The following PTPMT1 variants were observed in gnomAD, a reference collection of about 807,000 sequenced individuals.
The protein encoded by PTPMT1 is phosphatidylglycerophosphatase and protein-tyrosine phosphatase 1.
Under a neutral mutation model 17.8 loss-of-function variants are expected in PTPMT1, and 12 were observed. That is an observed-to-expected ratio of 0.67 (90% CI 0.43 to 1.09). PTPMT1 has a LOEUF of 1.09. Among genes scored for constraint, PTPMT1 ranks in the 50% least tolerant of loss-of-function variants. The pLI is 0.00. For missense variants in PTPMT1, 262 were observed against 266.0 expected (o/e 0.99, Z 0.10); for synonymous variants, 132 against 116.8 (o/e 1.13, Z -0.84).
At position 47,565,898 on chromosome 11, in the gene PTPMT1, C is replaced by T; in HGVS notation, c.175-8C>T. 1 of 1,612,650 alleles carries T rather than the reference C, an allele frequency of 6.2e-7. No individual in the cohort carries two copies. Among genetic ancestry groups the T allele is most frequent in the South Asian group, 1.1e-5 (1 of 90,998 alleles). On this transcript the variant is annotated splice_polypyrimidine_tract_variant and splice_region_variant and intron_variant, in intron 1 of 3. Transcript: ENST00000326674. ...CGTCTTTGCTGAGCCACCTCTTTGC[C>T]TCGGCAGCTGGTACAGGACGAGAAC...
In PTPMT1 at chr11:47,572,845, A is replaced by G. The variant is rs2097251668; in HGVS notation, c.*1216A>G. On this transcript the variant is annotated 3_prime_UTR_variant, in exon 4 of 4. Transcript: ENST00000326674. The stretch of plus-strand genomic sequence containing the variant: ...CTTTCTAGTATGTGCCAAAAAAAAC[A>G]TAACTCTGAATTGGGGCCCAGGGGA... 7.6e-6 allele frequency: 11 copies of G among 1,443,498 alleles called. No homozygotes were observed. Among genetic ancestry groups the G allele is most frequent in the Non-Finnish European group, 1.0e-5 (11 of 1,066,152 alleles). The allele number at this position is 1,443,498 out of a possible 1,614,324, so 89.4% of individuals were successfully genotyped here.
Position 47,565,951 on chromosome 11 carries a change from G to A in PTPMT1, c.220G>A (p.Glu74Lys). The change falls in exon 2 of 4, where the codon GAG becomes AAG. Residue 74 changes from glutamate (E) to lysine (K), a missense_variant. Coordinates refer to ENST00000326674, the MANE Select transcript of PTPMT1 (RefSeq NM_175732.3). ...GCGCGGGGTGATCACCATGAACGAGGAGTACGAGACGAGGTTCCTGTGCAA... is the reference window on the plus strand; with the variant it reads ...GCGCGGGGTGATCACCATGAACGAGAAGTACGAGACGAGGTTCCTGTGCAA... Reference protein sequence around the residue: ...NVRGVITMNEEYETRFLCNSS... With the variant: ...NVRGVITMNEKYETRFLCNSS... 1 of 1,607,250 alleles carries A rather than the reference G, an allele frequency of 6.2e-7. No individual in the cohort carries two copies. Among genetic ancestry groups the A allele is most frequent in the East Asian group, 2.2e-5 (1 of 44,556 alleles).
chr11:47,568,437 A>T (rs1598779595), intron 2 of PTPMT1, among the ~76,000 whole-genome samples: 1 of 151,956 alleles, frequency 6.6e-6, no homozygotes, highest in African/African-American at 2.4e-5. Flanking sequence ...GCATTTTGGG[A>T]GGCTGAGACA....
Position 47,565,785 on chromosome 11 carries a change from T to C in PTPMT1, c.163T>C (p.Leu55=). 1 of 1,592,466 alleles carries C rather than the reference T, an allele frequency of 6.3e-7. No individual in the cohort carries two copies. Among genetic ancestry groups the C allele is most frequent in the Non-Finnish European group, 8.5e-7 (1 of 1,170,680 alleles). Residue 55 remains leucine, a synonymous_variant, in exon 1 of 4, where the codon TTG becomes CTG. Coordinates refer to ENST00000326674, the MANE Select transcript of PTPMT1 (RefSeq NM_175732.3). ...VLLGALPLRS[L]TRQLVQDENV... The stretch of plus-strand genomic sequence containing the variant: ...GCTGGGCGCGCTGCCGTTGCGGAGC[T>C]TGACGCGCCAGGTGAGCCGGGCCGG...
intron 2 of PTPMT1, among the ~76,000 whole-genome samples, chr11:47,569,030 A>G (rs888060542): frequency 6.6e-6 from 1 of 152,100 alleles, no homozygotes; most frequent in Non-Finnish European, 1.5e-5. Context: ...AATTTTTTGC[A>G]GCTAAAATGT....
At position 47,572,921 on chromosome 11, in the gene PTPMT1, C is replaced by T. The variant is rs1480865386; in HGVS notation, c.*1292C>T. 6.2e-7 allele frequency: 1 copy of T among 1,605,552 alleles called. No individual in the cohort carries two copies. Among genetic ancestry groups the T allele is most frequent in the Non-Finnish European group, 8.5e-7 (1 of 1,174,142 alleles). The stretch of plus-strand genomic sequence containing the variant: ...AGGAGTGAGCAGTTCTCCTCCCCTC[C>T]CCACAGCCTTAGGCCAACACAAACT... On this transcript the variant is annotated 3_prime_UTR_variant, in exon 4 of 4. Transcript: ENST00000326674.
chr11:47,571,722 C>T lies in PTPMT1; in HGVS notation c.*93C>T, dbSNP rs1374297830. On this transcript the variant is annotated 3_prime_UTR_variant, in exon 4 of 4. Coordinates refer to ENST00000326674, the MANE Select transcript of PTPMT1 (RefSeq NM_175732.3). ...CAACAGGGCTTAAGCCCAGACTTGA[C>T]GTAACAGAAATGTGCCAATAGGTAA... 3.2e-6 allele frequency: 4 copies of T among 1,231,402 alleles called. No individual in the cohort carries two copies. The highest frequency in any genetic ancestry group is 1.5e-5 in the African/African-American group (1 of 65,800). 76.3% of individuals were successfully genotyped at this position (1,231,402 alleles called of 1,614,324 possible).
chr11:47,571,663 T>C lies in PTPMT1; in HGVS notation c.*34T>C, dbSNP rs372559287. The stretch of plus-strand genomic sequence containing the variant: ...GATTAGAAAGAACTCAAGACACTCC[T>C]GCTTGATACAGAACAAAAAGAGCTT... On this transcript the variant is annotated 3_prime_UTR_variant, in exon 4 of 4. Transcript: ENST00000326674. The C allele has an allele frequency of 2.5e-6, 4 of 1,604,508 alleles. No individual in the cohort carries two copies. The highest frequency in any genetic ancestry group is 3.4e-6 in the Non-Finnish European group (4 of 1,173,230).
chr11:47,566,590 A>C (rs1009238149), intron 2 of PTPMT1, among the ~76,000 whole-genome samples: 1 of 152,118 alleles, frequency 6.6e-6, no homozygotes, highest in African/African-American at 2.4e-5. Flanking sequence ...CAGAAACTAA[A>C]ATTGAAAGGC....
chr11:47,569,593 A>T (rs749838155), intron 2 of PTPMT1, 107 bp from the exon 3 acceptor site: 88 of 808,278 alleles, frequency 1.1e-4, no homozygotes, highest in Admixed American at 1.8e-4. Flanking sequence ...CATTGTAGTA[A>T]ACCCTGAAAC....
chr11:47,569,997 A>G (rs1011885244), intron 3 of PTPMT1, 106 bp downstream of exon 3: 2 of 878,660 alleles, frequency 2.3e-6, no homozygotes, highest in African/African-American at 3.4e-5. Context: ...GTTTGAGACC[A>G]GCCTGGGCAA....
At chr11:47,567,782 A>G (rs2097247057) in intron 2 of PTPMT1, among the ~76,000 whole-genome samples, 1 of 151,424 alleles carries the variant, frequency 6.6e-6, no homozygotes, top group Non-Finnish European at 1.5e-5. Flanking sequence ...GTCGTCTCGA[A>G]CTCCTGACCT....
rs2097251480 is a variant in PTPMT1 at position 47,572,779 on chromosome 11, C to G, written c.*1150C>G. ...CAGCAGCAGTCTAAAAAGCCCCAAA[C>G]AGAACACCTCCATGGATTCAGGGAA... On this transcript the variant is annotated 3_prime_UTR_variant, in exon 4 of 4. Transcript: ENST00000326674. The G allele has an allele frequency of 3.7e-6, 3 of 816,888 alleles. No homozygotes were observed. Among genetic ancestry groups the G allele is most frequent in the Middle Eastern group, 3.7e-4 (1 of 2,708 alleles). The allele number at this position is 816,888 out of a possible 1,614,324, so 50.6% of individuals were successfully genotyped here.
intron 2 of PTPMT1, among the ~76,000 whole-genome samples, chr11:47,567,559 C>CTTTTTTTTTTTTTTTTTTT (rs370022255): frequency 4.3e-5 from 5 of 116,138 alleles, no homozygotes; most frequent in African/African-American, 9.3e-5. Context: ...TATTTCTTTT[C>CTTTTTTTTTTTTTTTTTTT]TTTTTTTTTT....
Position 47,573,259 on chromosome 11 carries a change from A to C in PTPMT1, c.*1630A>C. 1 of 1,614,082 alleles carries C rather than the reference A, an allele frequency of 6.2e-7. No homozygotes were observed. The highest frequency in any genetic ancestry group is 8.5e-7 in the Non-Finnish European group (1 of 1,180,004). ...GGCAGCACATAGGGCTTCACATGGC[A>C]TTTGTCTGTCTCTGTGTCAAAGCAC... On this transcript the variant is annotated 3_prime_UTR_variant, in exon 4 of 4. Transcript: ENST00000326674. The surrounding 1 kb of genome is among the most constrained non-coding windows in gnomAD (Gnocchi z 4.1).
intron 2 of PTPMT1, among the ~76,000 whole-genome samples, chr11:47,566,464 G>C (rs1188254229): frequency 2.0e-5 from 3 of 148,514 alleles, no homozygotes; most frequent in Non-Finnish European, 4.4e-5. Flanking sequence ...GCCCAGCCTT[G>C]GGCGACAGGA....
At position 47,572,850 on chromosome 11, in the gene PTPMT1, T is replaced by G. The variant is rs2097251690; in HGVS notation, c.*1221T>G. ...TAGTATGTGCCAAAAAAAACATAAC[T>G]CTGAATTGGGGCCCAGGGGACTTTG... On this transcript the variant is annotated 3_prime_UTR_variant, in exon 4 of 4. Coordinates refer to ENST00000326674, the MANE Select transcript of PTPMT1 (RefSeq NM_175732.3). 6.8e-7 allele frequency: 1 copy of G among 1,471,346 alleles called. No individual in the cohort carries two copies. Among genetic ancestry groups the G allele is most frequent in the African/African-American group, 1.4e-5 (1 of 70,898 alleles). 91.1% of individuals were successfully genotyped at this position (1,471,346 alleles called of 1,614,324 possible). A position where few individuals can be genotyped will look rare whatever the true frequency, so the allele number is the denominator to read the frequency against.
At chr11:47,567,847 C>T (rs1265971526) in intron 2 of PTPMT1, among the ~76,000 whole-genome samples, 1 of 152,140 alleles carries the variant, frequency 6.6e-6, no homozygotes, top group Non-Finnish European at 1.5e-5. Context: ...GCGTGAGCCA[C>T]CACACCTGGC....
Position 47,569,730 on chromosome 11 carries a change from C to G in PTPMT1, c.286C>G (p.Arg96Gly). 6.2e-7 allele frequency: 1 copy of G among 1,612,228 alleles called. No homozygotes were observed. The highest frequency in any genetic ancestry group is 2.2e-5 in the East Asian group (1 of 44,780). ...EWKRLGVEQL[R>G]LSTVDMTGIP... ...GAAGAGACTAGGAGTCGAGCAGCTG[C>G]GGCTCAGCACAGTAGACATGACTGG... The change falls in exon 3 of 4, where the codon CGG becomes GGG. Residue 96 changes from arginine (R) to glycine (G), a missense_variant. Physicochemically the swap from Arg to Gly is moderately radical, Grantham distance 125 (BLOSUM62 -2). Coordinates refer to ENST00000326674, the MANE Select transcript of PTPMT1 (RefSeq NM_175732.3).
Sources: allele counts gnomAD v4.1 joint callset (sites outside exome capture counted in the v4.1 genomes callset), GRCh38; gene constraint gnomAD v4.1.1; non-coding constraint Gnocchi (gnomAD v3.1); transcripts MANE v1.5; gene names NCBI Gene and HGNC (gene_info 2026-07-23, HGNC 2026-07-21).